Variants in DPY19L1 observed in about 807,000 individuals in gnomAD.
DPY19L1 encodes dpy-19 like C-mannosyltransferase 1.
In DPY19L1, 35 loss-of-function variants were observed where a neutral mutation model predicts 96.9. The observed-to-expected ratio is 0.36, with a 90% confidence interval of 0.28 to 0.48. The LOEUF (loss-of-function observed/expected upper bound fraction) is 0.48, where lower values mean the gene tolerates loss of function less well. DPY19L1 is among the 20% of genes least tolerant of loss of function. The pLI, the probability that DPY19L1 is intolerant of heterozygous loss-of-function variation, is 0.99. For synonymous variants in DPY19L1, 205 were observed against 252.6 expected (o/e 0.81, Z 1.79); for missense variants, 521 against 777.9 (o/e 0.67, Z 3.93).
chr7:34,929,549 G>A lies in DPY19L1; in HGVS notation c.*2024C>T, dbSNP rs925352979. On this transcript the variant is annotated 3_prime_UTR_variant, in exon 22 of 22. Transcript: ENST00000638088. ...TGAACTTCTTTGGAAGGAAATTACT[G>A]GGGGTGAGAAAAATATAAAATAAAT... is the stretch of plus-strand genomic sequence containing the variant. The A allele has an allele frequency of 1.4e-4, 22 of 152,216 alleles. No individual in the cohort carries two copies. Among genetic ancestry groups the A allele is most frequent in the Admixed American group, 2.6e-4 (4 of 15,288 alleles). 9.4% of individuals were successfully genotyped at this position (152,216 alleles called of 1,614,324 possible).
At chr7:35,027,393 C>T (rs555134169) in intron 1 of DPY19L1, among the ~76,000 whole-genome samples, 6 of 152,070 alleles carry the variant, frequency 3.9e-5, no homozygotes, top group Non-Finnish European at 5.9e-5. Flanking sequence ...CCCCGAACTA[C>T]AAAGCCTTGG....
In DPY19L1 at chr7:35,011,396, T is replaced by C. The variant is rs372533265; in HGVS notation, c.604A>G (p.Ile202Val). 24 of 1,613,532 alleles carry C rather than the reference T, an allele frequency of 1.5e-5. No individual in the cohort carries two copies. Among genetic ancestry groups the C allele is most frequent in the South Asian group, 7.7e-5 (7 of 90,992 alleles). The change falls in exon 5 of 22, where the codon ATT becomes GTT. Residue 202 changes from isoleucine to valine, a missense_variant. By Grantham distance (29) the Ile-to-Val change is conservative. Coordinates refer to ENST00000638088, the MANE Select transcript of DPY19L1 (RefSeq NM_001366673.1). ...ACCGTCCAACATATCTTGGTTTGAA[T>C]ACCAATCAAGTCCATTATTTTGGTA... is the stretch of plus-strand genomic sequence containing the variant. ...IYTKIMDLIG[I>V]QTKICWTVTR... is the part of the protein sequence containing the mutation.
intron 7 of DPY19L1, among the ~76,000 whole-genome samples, chr7:34,982,944 C>T (rs1379400892): frequency 6.6e-6 from 1 of 152,158 alleles, no homozygotes; most frequent in Non-Finnish European, 1.5e-5. Flanking sequence ...CTAACCCCTT[C>T]CCAGTTTAAA....
intron 6 of DPY19L1, among the ~76,000 whole-genome samples, chr7:35,009,621 TTTATGTAAACAATATATAC>T (rs908254541): frequency 6.6e-6 from 1 of 152,180 alleles, no homozygotes; most frequent in African/African-American, 2.4e-5. Context: ...TCCCTTATAT[TTTATGTAAACAATATATAC>T]TGGATGGAGC....
At chr7:34,966,223 C>T (rs1784604884) in intron 10 of DPY19L1, among the ~76,000 whole-genome samples, 1 of 152,118 alleles carries the variant, frequency 6.6e-6, no homozygotes, top group South Asian at 2.1e-4. Flanking sequence ...CCTCTTTCCC[C>T]CACTCTGTTA....
At chr7:34,938,674 A>G (rs1040192832) in intron 20 of DPY19L1, among the ~76,000 whole-genome samples, 3 of 152,222 alleles carry the variant, frequency 2.0e-5, no homozygotes, top group South Asian at 2.1e-4. Context: ...GAAGATGCTA[A>G]TAAGATTCAC....
intron 16 of DPY19L1, among the ~76,000 whole-genome samples, chr7:34,945,275 G>A (rs1178206690): frequency 1.3e-5 from 2 of 151,904 alleles, no homozygotes; most frequent in Non-Finnish European, 2.9e-5. Flanking sequence ...TGGTTCATCT[G>A]AAATTTATTT....
At chr7:34,969,565 A>G (rs183046407) in intron 8 of DPY19L1, 33 bp from the exon 9 acceptor site, 255 of 1,233,956 alleles carry the variant, frequency 2.1e-4, no homozygotes, top group Non-Finnish European at 2.8e-4. Context: ...TAGTAAGTTT[A>G]AACACGAAAT....
intron 3 of DPY19L1, among the ~76,000 whole-genome samples, chr7:35,014,361 C>A (rs1584256271): frequency 2.0e-5 from 3 of 151,484 alleles, no homozygotes; most frequent in African/African-American, 2.4e-5. Flanking sequence ...TGGCACACTA[C>A]TTTGGAAAGA....
chr7:34,955,448 A>G (rs549457411), intron 11 of DPY19L1, 81 bp from the exon 12 acceptor site: 3 of 1,544,062 alleles, frequency 1.9e-6, no homozygotes, highest in Admixed American at 3.9e-5. Flanking sequence ...CTTCTAAATA[A>G]TAAGATTCTC....
At chr7:34,972,703 T>C (rs1333502590) in intron 8 of DPY19L1, among the ~76,000 whole-genome samples, 1 of 152,192 alleles carries the variant, frequency 6.6e-6, no homozygotes, top group Non-Finnish European at 1.5e-5. Flanking sequence ...TCATAGAGGT[T>C]CACCTTATTT....
intron 1 of DPY19L1, among the ~76,000 whole-genome samples, chr7:35,027,940 C>T (rs1353923174): frequency 2.0e-5 from 3 of 152,164 alleles, no homozygotes; most frequent in Non-Finnish European, 4.4e-5. Context: ...TGGTTTTAAG[C>T]ACAACTTTAG....
chr7:35,007,380 G>C (rs570552170), intron 6 of DPY19L1, among the ~76,000 whole-genome samples: 1 of 152,280 alleles, frequency 6.6e-6, no homozygotes, highest in South Asian at 2.1e-4. Flanking sequence ...AACACAGAAG[G>C]GGCCAGCTAA....
rs1783729387 is a variant in DPY19L1, at chr7:34,930,445, T to G, written c.*1128A>C. Reference sequence around the variant, plus strand: ...GAAATGATGGTTTTTAGAACCAAAATTATAACATAAGGCTTAAGGCTTTGT... The same window carrying G: ...GAAATGATGGTTTTTAGAACCAAAAGTATAACATAAGGCTTAAGGCTTTGT... On this transcript the variant is annotated 3_prime_UTR_variant, in exon 22 of 22. Transcript: ENST00000638088. 6.6e-6 allele frequency: 1 copy of G among 152,120 alleles called. No individual in the cohort carries two copies. The highest frequency in any genetic ancestry group is 1.5e-5 in the Non-Finnish European group (1 of 68,020). The allele number at this position is 152,120 out of a possible 1,614,324, so 9.4% of individuals were successfully genotyped here. A position where few individuals can be genotyped will look rare whatever the true frequency, so the allele number is the denominator to read the frequency against.
chr7:35,036,016 T>G (rs1254743123), intron 1 of DPY19L1, among the ~76,000 whole-genome samples: 1 of 152,090 alleles, frequency 6.6e-6, no homozygotes, highest in African/African-American at 2.4e-5. Flanking sequence ...GGAAAAAAAG[T>G]ACCCTAGGAA....
intron 1 of DPY19L1, among the ~76,000 whole-genome samples, chr7:35,025,645 T>C (rs329254): frequency 0.51 from 77,028 of 151,912 alleles, 19,859 homozygotes; most frequent in Admixed American, 0.64. Flanking sequence ...CTTATACTGA[T>C]GATATAGAAT....
chr7:35,015,099 G>T (rs1423123686), intron 3 of DPY19L1, among the ~76,000 whole-genome samples: 1 of 152,102 alleles, frequency 6.6e-6, no homozygotes, highest in East Asian at 1.9e-4. Flanking sequence ...AAGCCACCTA[G>T]CTTGTTGCAC....
At chr7:34,971,448 G>A (rs1303028660) in intron 8 of DPY19L1, among the ~76,000 whole-genome samples, 1 of 152,142 alleles carries the variant, frequency 6.6e-6, no homozygotes, top group East Asian at 1.9e-4. Flanking sequence ...GAAAGCCATC[G>A]CAATCAGAAG....
intron 7 of DPY19L1, among the ~76,000 whole-genome samples, chr7:34,984,921 C>A (rs1043279204): frequency 5.9e-5 from 9 of 152,086 alleles, no homozygotes; most frequent in Non-Finnish European, 8.8e-5. Context: ...AGAAGATTAT[C>A]CCACTTCATT....
Sources: allele counts gnomAD v4.1 joint callset (sites outside exome capture counted in the v4.1 genomes callset), GRCh38; gene constraint gnomAD v4.1.1; transcripts MANE v1.5; gene names NCBI Gene and HGNC (gene_info 2026-07-23, HGNC 2026-07-21).